The following RNF212 variants were observed in gnomAD, a reference collection of about 807,000 sequenced individuals.
RNF212 encodes the protein probable E3 SUMO-protein ligase RNF212.
In RNF212, 33 loss-of-function variants were observed where a neutral mutation model predicts 34.7. The ratio of observed to expected loss-of-function variants is 0.95; its 90% CI spans 0.72 to 1.27. RNF212 has a LOEUF of 1.27. RNF212 is among the 50% of genes most tolerant of loss of function. The probability of loss-of-function intolerance (pLI) is 0.00; values close to 1 mark genes in which losing one functional copy is unlikely to be tolerated. For missense variants in RNF212, 377 were observed against 362.2 expected, an observed-to-expected ratio of 1.04 and a Z score of -0.33; for synonymous variants, 140 against 136.1, an observed-to-expected ratio of 1.03 and a Z score of -0.20.
At chr4:1,096,629 C>T (rs1238211790) in intron 3 of RNF212, 136 bp downstream of exon 3, 2 of 692,082 alleles carry the variant, frequency 2.9e-6, no homozygotes, top group Non-Finnish European at 5.2e-6. Context: ...GAACCAAGCA[C>T]ACCCCTCACA....
chr4:1,060,780 G>C (rs947155496), intron 3 of RNF212, among the ~76,000 whole-genome samples: 2 of 152,224 alleles, frequency 1.3e-5, no homozygotes, highest in Admixed American at 6.5e-5. Flanking sequence ...AGCGCCCTGC[G>C]CCCCTGCTGA....
In RNF212 at chr4:1,076,593, G is replaced by A. The variant is rs1719347431; in HGVS notation, c.511-2931C>T. On this transcript the variant is annotated intron_variant, in intron 8 of 9. Transcript: ENST00000433731. ...GTGGTGTCCCAGAACCTCTGCTCAG[G>A]CTGAGGGTTACCAGGAGCACCTCTC... 1.3e-5 allele frequency among the ~76,000 whole-genome samples: 2 copies of A among 152,194 alleles called. 1 individual carries two copies. Among genetic ancestry groups the A allele is most frequent in the South Asian group, 4.1e-4 (2 of 4,830 alleles).
chr4:1,093,674 C>T (rs1048235222), intron 3 of RNF212: 2 of 1,535,986 alleles, frequency 1.3e-6, no homozygotes, highest in African/African-American at 2.7e-5. Context: ...GCAAAACCAC[C>T]CTGGAGCGCA....
intron 2 of RNF212, among the ~76,000 whole-genome samples, chr4:1,099,388 C>T (rs774106945): frequency 6.6e-6 from 1 of 152,010 alleles, no homozygotes; most frequent in Non-Finnish European, 1.5e-5. Context: ...CGGGAGGCAG[C>T]GAGGAGCAGG....
In RNF212 at chr4:1,113,447, G is replaced by A. The variant is rs1367666124; in HGVS notation, c.18C>T (p.Phe6=). 3.7e-6 allele frequency: 6 copies of A among 1,607,788 alleles called. No individual in the cohort carries two copies. Among genetic ancestry groups the A allele is most frequent in the Non-Finnish European group, 5.1e-6 (6 of 1,177,954 alleles). ...GGGGCGGCTGGAAGCAGCGATTACA[G>A]AACACCCAGTTGGCCATGCCAGGCG... The part of the protein sequence containing the change: MANWV[F]CNRCFQPPHR... The change falls in exon 1 of 10, where the codon TTC becomes TTT. Residue 6 remains phenylalanine (F), a synonymous_variant. Transcript: ENST00000433731.
intron 3 of RNF212, among the ~76,000 whole-genome samples, chr4:1,062,209 T>C (rs1028264151): frequency 6.6e-6 from 1 of 152,194 alleles, no homozygotes; most frequent in African/African-American, 2.4e-5. Flanking sequence ...GTATCTCTTA[T>C]GAATACAGAC....
At chr4:1,108,793 G>A (rs549660656) in intron 1 of RNF212, among the ~76,000 whole-genome samples, 15 of 152,118 alleles carry the variant, frequency 9.9e-5, no homozygotes, top group Admixed American at 2.6e-4. Context: ...TGACACCCCC[G>A]GGCTCAACAG....
intron 8 of RNF212, among the ~76,000 whole-genome samples, chr4:1,078,923 G>GGGTCAACACA (rs1560109358): frequency 9.8e-6 from 1 of 101,584 alleles, no homozygotes; most frequent in African/African-American, 4.6e-5. Flanking sequence ...GGACCAACAC[G>GGGTCAACACA]GGACCAACAC....
Position 1,072,786 on chromosome 4 carries a change from C to T in RNF212, c.*88G>A. 1.0e-5 allele frequency: 15 copies of T among 1,467,834 alleles called. No homozygotes were observed. Among genetic ancestry groups the T allele is most frequent in the Non-Finnish European group, 1.2e-5 (13 of 1,108,388 alleles). 90.9% of individuals were successfully genotyped at this position (1,467,834 alleles called of 1,614,324 possible). A position where few individuals can be genotyped will look rare whatever the true frequency, so the allele number is the denominator to read the frequency against. On this transcript the variant is annotated 3_prime_UTR_variant, in exon 10 of 10. Transcript: ENST00000433731. Reference sequence around the variant, plus strand: ...ACACTGAGGGCTTCCACATAAATGACAAAGGAATAAAGCAGATAATTTGTA... The same window carrying T: ...ACACTGAGGGCTTCCACATAAATGATAAAGGAATAAAGCAGATAATTTGTA...
At position 1,071,622 on chromosome 4, in the gene RNF212, C is replaced by A. The variant is rs1718502945; in HGVS notation, c.*1252G>T. On this transcript the variant is annotated 3_prime_UTR_variant, in exon 10 of 10. Coordinates refer to ENST00000433731, the MANE Select transcript of RNF212 (RefSeq NM_001131034.4). Reference sequence around the variant, plus strand: ...ATCCAATTAAAAAATGGGCCAAATACCTTAACAGACACTTCAGCAAAGAAG... The same window carrying A: ...ATCCAATTAAAAAATGGGCCAAATAACTTAACAGACACTTCAGCAAAGAAG... 1 of 152,284 alleles carries A rather than the reference C, an allele frequency of 6.6e-6. No individual in the cohort carries two copies. Among genetic ancestry groups the A allele is most frequent in the Non-Finnish European group, 1.5e-5 (1 of 68,028 alleles). The allele number at this position is 152,284 out of a possible 1,614,324, so 9.4% of individuals were successfully genotyped here.
chr4:1,074,405 C>T (rs1049698083), intron 8 of RNF212, among the ~76,000 whole-genome samples: 16 of 152,208 alleles, frequency 1.1e-4, no homozygotes, highest in Non-Finnish European at 2.4e-4. Flanking sequence ...TCAACTGTGC[C>T]CCGCCAAGAC....
intron 2 of RNF212, among the ~76,000 whole-genome samples, chr4:1,108,115 C>T (rs1725100510): frequency 6.6e-6 from 1 of 152,304 alleles, no homozygotes; most frequent in African/African-American, 2.4e-5. Flanking sequence ...TCCAGGAACA[C>T]AGCACGATTC....
chr4:1,106,741 G>A (rs889372858), intron 2 of RNF212, among the ~76,000 whole-genome samples: 15 of 152,220 alleles, frequency 9.9e-5, no homozygotes, highest in Admixed American at 9.2e-4. Flanking sequence ...CGAGGGTACC[G>A]TGCGAGGAGC....
In RNF212 at chr4:1,085,925, C is replaced by T. The variant is rs1473657658; in HGVS notation, c.333G>A (p.Lys111=). 6.2e-7 allele frequency: 1 copy of T among 1,612,390 alleles called. No individual in the cohort carries two copies. Among genetic ancestry groups the T allele is most frequent in the Non-Finnish European group, 8.5e-7 (1 of 1,179,142 alleles). Residue 111 remains lysine, a synonymous_variant, in exon 5 of 10, where the codon AAG becomes AAA. Coordinates refer to ENST00000433731, the MANE Select transcript of RNF212 (RefSeq NM_001131034.4). ...GTAGTTGTTCTATCTGCAGCACTGACTTCCTAAGGGATTCTTCCAACCTAG... is the reference window on the plus strand; with the variant it reads ...GTAGTTGTTCTATCTGCAGCACTGATTTCCTAAGGGATTCTTCCAACCTAG... ...KISRLEESLR[K]SVLQIEQLQS... is the part of the protein sequence containing the mutation.
intron 4 of RNF212, among the ~76,000 whole-genome samples, chr4:1,088,490 C>A (rs1275302877): frequency 1.3e-5 from 2 of 152,148 alleles, no homozygotes; most frequent in Non-Finnish European, 2.9e-5. Context: ...AAAAGGGAAG[C>A]AGAACATAAA....
chr4:1,104,259 C>T (rs968874033), intron 2 of RNF212, among the ~76,000 whole-genome samples: 2 of 152,214 alleles, frequency 1.3e-5, no homozygotes, highest in South Asian at 2.1e-4. Context: ...TGCGGACATG[C>T]GAAGATGAAT....
chr4:1,102,823 G>A (rs1724217879), intron 2 of RNF212, among the ~76,000 whole-genome samples: 1 of 151,712 alleles, frequency 6.6e-6, no homozygotes, highest in Non-Finnish European at 1.5e-5. Flanking sequence ...CTGCACTCCA[G>A]CCTAGGCAAC....
intron 4 of RNF212, chr4:1,056,985 GAATTTGCAGAGGTGGAATCCT>G (rs1486531667): frequency 2.0e-6 from 2 of 987,890 alleles, no homozygotes; most frequent in African/African-American, 3.5e-5. Flanking sequence ...CCCTTGTAGG[GAATTTGCAGAGGTGGAATCCT>G]AATAAATTCA....
chr4:1,058,418 T>C (rs2045069), intron 3 of RNF212: 290,404 of 406,200 alleles, frequency 0.71, 111,712 homozygotes, highest in African/African-American at 0.94. Flanking sequence ...GAATAAAACA[T>C]GAGTCGTTCA....
Sources: allele counts gnomAD v4.1 joint callset (sites outside exome capture counted in the v4.1 genomes callset), GRCh38; gene constraint gnomAD v4.1.1; transcripts MANE v1.5; gene names NCBI Gene and HGNC (gene_info 2026-07-23, HGNC 2026-07-21).